DOCK1: variants seen among roughly 807,000 people sequenced by gnomAD.
DOCK1 encodes dedicator of cytokinesis protein 1.
Under a neutral mutation model 262.7 loss-of-function variants are expected in DOCK1, and 138 were observed. That is an observed-to-expected ratio of 0.53 (90% CI 0.46 to 0.61). The LOEUF is 0.61. Ranked by LOEUF, DOCK1 falls within the 20% of genes least tolerant of loss-of-function variation. The pLI is 0.00. For missense variants in DOCK1, 1,908 were observed against 2,370.7 expected (o/e 0.80, Z 4.05); for synonymous variants, 866 against 867.4 (o/e 1.00, Z 0.03).
At chr10:127,210,835 CAA>C (rs919150631) in intron 27 of DOCK1, among the ~76,000 whole-genome samples, 1 of 152,196 alleles carries the variant, frequency 6.6e-6, no homozygotes, top group Admixed American at 6.5e-5. Flanking sequence ...TGAATTTCTC[CAA>C]AGAGAAAAAT....
In DOCK1 at chr10:127,215,348, C is replaced by G. The variant is rs577880907; in HGVS notation, c.2848-32660C>G. On this transcript the variant is annotated intron_variant, in intron 27 of 51. Coordinates refer to ENST00000623213, the MANE Select transcript of DOCK1 (RefSeq NM_001290223.2). ...GCATCCATGGAGCACTAGGGAAGAC[C>G]CAGCCACGCAGCTCCATGTGATCCC... 3.3e-5 allele frequency among the ~76,000 whole-genome samples: 5 copies of G among 152,248 alleles called. No individual in the cohort carries two copies. The East Asian group carries it at 9.7e-4, about 29-fold the overall frequency.
chr10:127,418,740 C>T (rs1387862222), intron 45 of DOCK1, among the ~76,000 whole-genome samples, 199 bp downstream of exon 45: 2 of 152,262 alleles, frequency 1.3e-5, no homozygotes. Flanking sequence ...CCCGGCAAGG[C>T]TCCCCTGGGC....
chr10:126,990,874 C>T (rs2039740042), intron 6 of DOCK1, among the ~76,000 whole-genome samples: 1 of 152,170 alleles, frequency 6.6e-6, no homozygotes, highest in Non-Finnish European at 1.5e-5. Context: ...CTGGAGGGAA[C>T]CCCATCATTA....
chr10:127,016,794 A>G (rs546478116), intron 12 of DOCK1, among the ~76,000 whole-genome samples: 26 of 151,574 alleles, frequency 1.7e-4, no homozygotes, highest in African/African-American at 6.3e-4. Flanking sequence ...GCGCACACAC[A>G]CAGATACAGA....
chr10:127,439,860 G>A (rs1174216571), intron 49 of DOCK1, among the ~76,000 whole-genome samples: 4 of 152,184 alleles, frequency 2.6e-5, no homozygotes, highest in African/African-American at 9.7e-5. Flanking sequence ...CCACAGTCGT[G>A]GGCGTGTGAG....
intron 27 of DOCK1, among the ~76,000 whole-genome samples, chr10:127,231,140 T>C (rs1462870601): frequency 6.6e-6 from 1 of 152,142 alleles, no homozygotes; most frequent in Non-Finnish European, 1.5e-5. Flanking sequence ...TTAAGACTCA[T>C]CTGGTAATTC....
intron 1 of DOCK1, among the ~76,000 whole-genome samples, chr10:126,939,043 G>T (rs1325621917): frequency 2.7e-5 from 3 of 112,482 alleles, no homozygotes; most frequent in Non-Finnish European, 3.7e-5. Context: ...TGAACACGGT[G>T]GGGGGATGAA....
intron 27 of DOCK1, among the ~76,000 whole-genome samples, chr10:127,164,592 T>C (rs2053914554): frequency 6.6e-6 from 1 of 152,238 alleles, no homozygotes; most frequent in African/African-American, 2.4e-5. Context: ...TGCATCAGTA[T>C]TTTATAGACA....
At chr10:127,328,332 C>T (rs1238305592) in intron 29 of DOCK1, among the ~76,000 whole-genome samples, 13 of 152,216 alleles carry the variant, frequency 8.5e-5, no homozygotes, top group Admixed American at 8.5e-4. Flanking sequence ...TTCTCTTAAG[C>T]ATTTCTGCCT....
At position 127,404,405 on chromosome 10, in the gene DOCK1, A is replaced by G; in HGVS notation, c.4098A>G (p.Gly1366=). The G allele has an allele frequency of 6.2e-7, 1 of 1,613,780 alleles. No individual in the cohort carries two copies. The highest frequency in any genetic ancestry group is 1.7e-5 in the Admixed American group (1 of 60,012). The change falls in exon 40 of 52, where the codon GGA becomes GGG. Residue 1366 remains glycine (G), a synonymous_variant. Coordinates refer to ENST00000623213, the MANE Select transcript of DOCK1 (RefSeq NM_001290223.2). ...ACTATTTTGCTGTTGGCTACTACGG[A>G]CAAGGGTTCCCCACATTCCTGCGGG... ...KPDYFAVGYY[G]QGFPTFLRGK...
At chr10:127,075,617 A>C (rs1243159072) in intron 23 of DOCK1, among the ~76,000 whole-genome samples, 1 of 152,190 alleles carries the variant, frequency 6.6e-6, no homozygotes, top group Non-Finnish European at 1.5e-5. Context: ...TCATGGAGGA[A>C]GACGAAGGGG....
chr10:127,016,940 C>A (rs924428718), intron 12 of DOCK1, among the ~76,000 whole-genome samples: 9 of 132,592 alleles, frequency 6.8e-5, no homozygotes, highest in Non-Finnish European at 1.4e-4. Flanking sequence ...CACACACACA[C>A]CACAGACACA....
rs142742935 is a variant in DOCK1 at position 126,915,746 on chromosome 10, T to C, written c.46+10183T>C. Among the ~76,000 whole-genome samples, 901 of 152,266 alleles carry C rather than the reference T, an allele frequency of 5.9e-3. 6 individuals carry two copies. The highest frequency in any genetic ancestry group is 0.022 in the South Asian group (108 of 4,824). ...GATTACAGGCGTGAGCCACCGTGCC[T>C]GGCCTCAGTGTGTCCTGTCCTTTTC... On this transcript the variant is annotated intron_variant, in intron 1 of 51. Transcript: ENST00000623213.
chr10:126,948,994 C>T (rs1440179020), intron 1 of DOCK1, among the ~76,000 whole-genome samples: 1 of 152,088 alleles, frequency 6.6e-6, no homozygotes, highest in Non-Finnish European at 1.5e-5. Context: ...CCCCCTGGAC[C>T]CTGTTCCCTT....
chr10:126,996,455 C>T (rs1287196713), intron 6 of DOCK1, among the ~76,000 whole-genome samples: 1 of 149,714 alleles, frequency 6.7e-6, no homozygotes, highest in Non-Finnish European at 1.5e-5. Flanking sequence ...ATACATACTT[C>T]ACTTGGGCCT....
At chr10:127,366,481 C>T (rs2064919236) in intron 33 of DOCK1, among the ~76,000 whole-genome samples, 1 of 152,092 alleles carries the variant, frequency 6.6e-6, no homozygotes, top group South Asian at 2.1e-4. Context: ...CTTCATCAGT[C>T]CTCCCTCTGT....
Position 127,104,894 on chromosome 10 carries a change from G to GT in DOCK1, c.2446-1331dup, listed in dbSNP as rs564709959. ...AAAGTAATTAATGTCTCCATTGTTG[G>GT]TTTTTTCCTCCTTCCTACTCAGCTA... is the stretch of plus-strand genomic sequence containing the variant. On this transcript the variant is annotated intron_variant, in intron 23 of 51. Transcript: ENST00000623213. 4.0e-3 allele frequency among the ~76,000 whole-genome samples: 610 copies of GT among 152,254 alleles called. 2 individuals are homozygous for GT. The highest frequency in any genetic ancestry group is 7.3e-3 in the Admixed American group (112 of 15,290).
intron 30 of DOCK1, among the ~76,000 whole-genome samples, chr10:127,339,618 TG>T (rs1422406169): frequency 6.8e-6 from 1 of 147,966 alleles, no homozygotes; most frequent in Non-Finnish European, 1.5e-5. Flanking sequence ...AGAGAGAGTG[TG>T]TGTGTTTGTG....
chr10:127,042,400 T>G (rs2044077527), intron 19 of DOCK1, among the ~76,000 whole-genome samples: 1 of 152,176 alleles, frequency 6.6e-6, no homozygotes, highest in South Asian at 2.1e-4. Flanking sequence ...CTCTCCTTGC[T>G]TTGACCCTCT....
Sources: gnomAD v4.1 joint callset for allele counts (sites outside exome capture counted in the v4.1 genomes callset) on GRCh38, gnomAD v4.1.1 for gene constraint, MANE v1.5 for transcripts, NCBI Gene and HGNC (gene_info 2026-07-23, HGNC 2026-07-21) for gene names.